GARS1: variants seen among roughly 807,000 people sequenced by gnomAD.
GARS1 encodes glycine--tRNA ligase.
In GARS1, 46 loss-of-function variants were observed where a neutral mutation model predicts 86.4. The observed-to-expected ratio is 0.53, with a 90% CI of 0.42 to 0.68. The LOEUF is 0.68. Among genes scored for constraint, GARS1 ranks in the 30% least tolerant of loss-of-function variants. The pLI, the probability that GARS1 is intolerant of heterozygous loss-of-function variation, is 0.00. For synonymous variants in GARS1, 342 were observed against 329.8 expected, an observed-to-expected ratio of 1.04 and a Z score of -0.40; for missense variants, 797 against 915.6, an observed-to-expected ratio of 0.87 and a Z score of 1.67.
rs375532339 is a variant in GARS1, at chr7:30,601,007, A to T, written c.428-52A>T. 136 of 1,573,858 alleles carry T rather than the reference A, an allele frequency of 8.6e-5. No individual in the cohort carries two copies. In the African/African-American group the frequency reaches 1.7e-3, roughly 19 times the overall value. On this transcript the variant is annotated intron_variant, in intron 3 of 16. Coordinates refer to ENST00000389266, the MANE Select transcript of GARS1 (RefSeq NM_002047.4). Reference sequence around the variant, plus strand: ...CAGTTTCTCATGTCTCCTTGCCTTCATTTGTTCAGAGTAACAAGGTAAAGT... The same window carrying T: ...CAGTTTCTCATGTCTCCTTGCCTTCTTTTGTTCAGAGTAACAAGGTAAAGT...
At chr7:30,613,544 T>C (rs1021961726) in intron 8 of GARS1, among the ~76,000 whole-genome samples, 3 of 152,214 alleles carry the variant, frequency 2.0e-5, no homozygotes, top group Admixed American at 2.0e-4. Context: ...GGGAAGATTA[T>C]TGAGAAGGAC....
chr7:30,602,527 T>C (rs1174711577), intron 4 of GARS1, among the ~76,000 whole-genome samples: 2 of 152,254 alleles, frequency 1.3e-5, no homozygotes, highest in Non-Finnish European at 2.9e-5. Context: ...CTCTATAAGA[T>C]CAGGACTACC....
intron 10 of GARS1, among the ~76,000 whole-genome samples, chr7:30,618,458 AC>A (rs1343371953): frequency 2.0e-5 from 3 of 152,152 alleles, no homozygotes; most frequent in Non-Finnish European, 2.9e-5. Context: ...ACATAGCAAG[AC>A]CCTGTCTCTA....
chr7:30,611,947 A>G (rs555116767), intron 7 of GARS1, 149 bp from the exon 8 acceptor site: 14 of 745,360 alleles, frequency 1.9e-5, no homozygotes, highest in Middle Eastern at 7.1e-4. Context: ...TACCGAGGAA[A>G]ATATTTCTAA....
chr7:30,595,262 T>A, intron 1 of GARS1, 119 bp downstream of exon 1: 1 of 1,008,070 alleles, frequency 9.9e-7, no homozygotes, highest in Non-Finnish European at 1.5e-6. Context: ...TTTCTTTCCC[T>A]TCATCCTCTG....
intron 13 of GARS1, among the ~76,000 whole-genome samples, chr7:30,627,772 C>T (rs1027805797): frequency 6.6e-6 from 1 of 152,196 alleles, no homozygotes; most frequent in Non-Finnish European, 1.5e-5. Context: ...ATCAAGATAA[C>T]AAGCTAAAAA....
At chr7:30,614,691 A>G (rs1017245458) in intron 8 of GARS1, among the ~76,000 whole-genome samples, 25 of 152,110 alleles carry the variant, frequency 1.6e-4, no homozygotes, top group Admixed American at 1.5e-3. Flanking sequence ...CCTGGCTAAC[A>G]CAGTGAAACC....
chr7:30,633,855 G>C lies in GARS1; in HGVS notation c.2215G>C (p.Glu739Gln). 6.5e-7 allele frequency: 1 copy of C among 1,548,316 alleles called. No individual in the cohort carries two copies. Among genetic ancestry groups the C allele is most frequent in the African/African-American group, 1.4e-5 (1 of 71,792 alleles). The change falls in exon 17 of 17, where the codon GAA becomes CAA. Residue 739 changes from glutamate to glutamine, a missense_variant. By Grantham distance (29) the Glu-to-Gln change is conservative. Around this residue, in one of 2 missense-constraint regions of GARS1, gnomAD observed 598 missense variants for 738.7 expected, o/e 0.81. Transcript: ENST00000389266. ...QETGKKETIEE is the reference protein window; with the variant it reads ...QETGKKETIEQ ...GACTGGTAAAAAAGAGACAATCGAG[G>C]AATGAGGACAATTTTGACAACTTTT...
At chr7:30,613,149 C>G (rs576520245) in intron 8 of GARS1, among the ~76,000 whole-genome samples, 2 of 152,290 alleles carry the variant, frequency 1.3e-5, no homozygotes, top group Non-Finnish European at 2.9e-5. Flanking sequence ...CCTGCCTCAT[C>G]TTGTTAGTTC....
At chr7:30,630,014 T>C (rs1783204792) in intron 14 of GARS1, among the ~76,000 whole-genome samples, 1 of 152,246 alleles carries the variant, frequency 6.6e-6, no homozygotes, top group Non-Finnish European at 1.5e-5. Context: ...TTAGTCACAG[T>C]GTTTTATGAA....
chr7:30,603,609 T>C, intron 6 of GARS1, 37 bp downstream of exon 6: 1 of 1,450,184 alleles, frequency 6.9e-7, no homozygotes. Flanking sequence ...GTAACCTAGG[T>C]GGTCGCTGTC....
At chr7:30,617,560 CCT>C (rs1782914889) in intron 10 of GARS1, among the ~76,000 whole-genome samples, 1 of 152,110 alleles carries the variant, frequency 6.6e-6, no homozygotes, top group Non-Finnish European at 1.5e-5. Context: ...CTGGCAATAT[CCT>C]GGAGTGGATC....
chr7:30,614,533 G>A (rs1207471891), intron 8 of GARS1, among the ~76,000 whole-genome samples: 1 of 152,090 alleles, frequency 6.6e-6, no homozygotes, highest in Non-Finnish European at 1.5e-5. Flanking sequence ...CTAAAACATA[G>A]GTGCAGCAGG....
chr7:30,595,250 C>A, intron 1 of GARS1, 107 bp downstream of exon 1: 1 of 1,058,968 alleles, frequency 9.4e-7, no homozygotes, highest in Non-Finnish European at 1.4e-6. Flanking sequence ...TTCGGTTACC[C>A]CTTTCTTTCC....
rs193240769 is a variant in GARS1, at chr7:30,633,612, T to C, written c.2095-123T>C. ...GTGGGCGTTTTGGGCTAGAAGAGCA[T>C]GAACCCATGCCTGGCATGACATTGT... On this transcript the variant is annotated intron_variant, in intron 16 of 16. Coordinates refer to ENST00000389266, the MANE Select transcript of GARS1 (RefSeq NM_002047.4). 59 of 1,194,510 alleles carry C rather than the reference T, an allele frequency of 4.9e-5. No individual in the cohort carries two copies. The Admixed American group carries it at 8.1e-4, about 16-fold the overall frequency. 74.0% of individuals were successfully genotyped at this position (1,194,510 alleles called of 1,614,324 possible).
At chr7:30,605,756 GAAAAATCCTTTAAAAATAAAGGATTTA>G (rs1263260117) in intron 6 of GARS1, among the ~76,000 whole-genome samples, 6 of 152,084 alleles carry the variant, frequency 3.9e-5, no homozygotes, top group Admixed American at 2.6e-4. Flanking sequence ...CTCTAAAAGA[GAAAAATCCTTTAAAAATAAAGGATTTA>G]AAAAATCCTT....
At chr7:30,612,008 G>T in intron 7 of GARS1, 88 bp from the exon 8 acceptor site, 1 of 1,212,684 alleles carries the variant, frequency 8.2e-7, no homozygotes, top group Non-Finnish European at 1.2e-6. Flanking sequence ...GTATATTTAG[G>T]ACTTTTAGGA....
Position 30,628,471 on chromosome 7 carries a change from C to T in GARS1, c.1700-89C>T. The T allele has an allele frequency of 6.2e-6, 6 of 964,316 alleles. No individual in the cohort carries two copies. In the South Asian group the frequency reaches 7.7e-5, roughly 12 times the overall value. 59.7% of individuals were successfully genotyped at this position (964,316 alleles called of 1,614,324 possible). A position where few individuals can be genotyped will look rare whatever the true frequency, so the allele number is the denominator to read the frequency against. On this transcript the variant is annotated intron_variant, in intron 13 of 16. Transcript: ENST00000389266. ...AAATGCTGGGATTACAGGTGTGAGC[C>T]ACCGCAGCTGGTGAATTGTTTAGAG... is the stretch of plus-strand genomic sequence containing the variant.
intron 12 of GARS1, among the ~76,000 whole-genome samples, chr7:30,623,183 T>G (rs1344112487): frequency 6.6e-6 from 1 of 151,056 alleles, no homozygotes. Context: ...GTGTAAAACT[T>G]ACAATATCCA....
Sources: allele counts gnomAD v4.1 joint callset (sites outside exome capture counted in the v4.1 genomes callset), GRCh38; gene constraint gnomAD v4.1.1; regional missense constraint gnomAD v4.1.1; transcripts MANE v1.5; gene names NCBI Gene and HGNC (gene_info 2026-07-23, HGNC 2026-07-21).